Variants in ABCC1 observed in about 807,000 individuals in gnomAD.
The protein encoded by ABCC1 is ATP binding cassette subfamily C member 1 (ABCC1 blood group), also known as multidrug resistance-associated protein 1.
In ABCC1, 83 loss-of-function variants were observed where a neutral mutation model predicts 172.9. The observed-to-expected ratio is 0.48, with a 90% CI of 0.40 to 0.58. ABCC1 has a LOEUF of 0.58. Ranked by LOEUF, ABCC1 falls within the 20% of genes least tolerant of loss-of-function variation. The pLI, the probability that ABCC1 is intolerant of heterozygous loss-of-function variation, is 0.00. For synonymous variants in ABCC1, 937 were observed against 825.2 expected, an observed-to-expected ratio of 1.14 and a Z score of -2.32; for missense variants, 1,817 against 2,002.7, an observed-to-expected ratio of 0.91 and a Z score of 1.77.
intron 12 of ABCC1, among the ~76,000 whole-genome samples, chr16:16,066,711 CAACATGGCGA>C (rs1219197688): frequency 6.6e-6 from 1 of 150,802 alleles, no homozygotes; most frequent in African/African-American, 2.4e-5. Context: ...CCAGCCTGAC[CAACATGGCGA>C]AACCCCATCT....
At chr16:16,122,618 C>T (rs1310044855) in intron 24 of ABCC1, among the ~76,000 whole-genome samples, 4 of 151,554 alleles carry the variant, frequency 2.6e-5, no homozygotes, top group Non-Finnish European at 5.9e-5. Context: ...TCATGGCTCA[C>T]GCCTGTAATC....
intron 23 of ABCC1, among the ~76,000 whole-genome samples, chr16:16,117,246 G>T (rs900711298): frequency 6.6e-6 from 1 of 152,192 alleles, no homozygotes; most frequent in African/African-American, 2.4e-5. Flanking sequence ...AAGCAAACAT[G>T]TCCTTCTTCA....
At chr16:16,043,341 C>G (rs984584369) in intron 7 of ABCC1, among the ~76,000 whole-genome samples, 3 of 149,762 alleles carry the variant, frequency 2.0e-5, no homozygotes, top group African/African-American at 7.4e-5. Context: ...TCTTTTTGCC[C>G]AGGCTGGAGT....
chr16:16,035,760 G>T (rs549260063), intron 6 of ABCC1, among the ~76,000 whole-genome samples: 30 of 151,790 alleles, frequency 2.0e-4, no homozygotes, highest in Admixed American at 8.5e-4. Context: ...CTCCCAGAGC[G>T]CTAGGATTAT....
At position 16,073,058 on chromosome 16, in the gene ABCC1, T is replaced by A. The variant is rs1017323252; in HGVS notation, c.1912+1329T>A. Among the ~76,000 whole-genome samples, 115 of 133,492 alleles carry A rather than the reference T, an allele frequency of 8.6e-4. 4 individuals carry two copies. The highest frequency in any genetic ancestry group is 3.0e-4 in the Admixed American group (4 of 13,398). The allele number at this position is 133,492 out of a possible 152,430, so 87.6% of individuals were successfully genotyped here. A position where few individuals can be genotyped will look rare whatever the true frequency, so the allele number is the denominator to read the frequency against. On this transcript the variant is annotated intron_variant, in intron 14 of 30. Coordinates refer to ENST00000399410, the MANE Select transcript of ABCC1 (RefSeq NM_004996.4). ...TTCATCTCAAAAAAAAAAAAAAAAA[T>A]AATAATAATAAATATTAATGGCACT...
At chr16:16,074,215 C>G (rs993689787) in intron 14 of ABCC1, among the ~76,000 whole-genome samples, 1 of 152,150 alleles carries the variant, frequency 6.6e-6, no homozygotes, top group Non-Finnish European at 1.5e-5. Context: ...GTATCCATCC[C>G]AATTTTGGCA....
intron 1 of ABCC1, among the ~76,000 whole-genome samples, chr16:15,974,797 C>G (rs1442652464): frequency 6.6e-6 from 1 of 152,040 alleles, no homozygotes; most frequent in Non-Finnish European, 1.5e-5. Context: ...TTCTGTTTTT[C>G]TTTTTATGAT....
chr16:16,042,697 C>T (rs982011904), intron 7 of ABCC1, among the ~76,000 whole-genome samples: 2 of 127,016 alleles, frequency 1.6e-5, no homozygotes, highest in African/African-American at 7.0e-5. Flanking sequence ...AGCAAGACTC[C>T]ATCTCAAAAA....
At chr16:16,065,431 A>G (rs1228399272) in intron 12 of ABCC1, among the ~76,000 whole-genome samples, 2 of 151,526 alleles carry the variant, frequency 1.3e-5, no homozygotes, top group Non-Finnish European at 2.9e-5. Flanking sequence ...TGACTTATTT[A>G]TTAATATTAT....
chr16:16,119,909 G>A (rs1207136888), intron 23 of ABCC1, among the ~76,000 whole-genome samples: 1 of 152,182 alleles, frequency 6.6e-6, no homozygotes, highest in African/African-American at 2.4e-5. Flanking sequence ...GCCATGCAGA[G>A]GGGTCTGGAT....
At chr16:15,985,995 C>T (rs990568705) in intron 1 of ABCC1, among the ~76,000 whole-genome samples, 14 of 151,752 alleles carry the variant, frequency 9.2e-5, no homozygotes, top group Admixed American at 3.9e-4. Context: ...ATTTTTGAGA[C>T]GGAATCTCAG....
intron 1 of ABCC1, among the ~76,000 whole-genome samples, chr16:15,978,475 G>A (rs2046544357): frequency 1.3e-5 from 2 of 152,140 alleles, no homozygotes; most frequent in South Asian, 4.1e-4. Flanking sequence ...CTCTTTTCTG[G>A]ATATTTCTTG....
At position 16,142,514 on chromosome 16, in the gene ABCC1, CCAGGGGGGGCA is replaced by C. The variant is rs1170976021; in HGVS notation, c.*1234_*1244del. The C allele has an allele frequency of 2.6e-5, 4 of 152,258 alleles. No homozygotes were observed. Among genetic ancestry groups the C allele is most frequent in the African/African-American group, 9.6e-5 (4 of 41,542 alleles). 9.4% of individuals were successfully genotyped at this position (152,258 alleles called of 1,614,324 possible). A position where few individuals can be genotyped will look rare whatever the true frequency, so the allele number is the denominator to read the frequency against. On this transcript the variant is annotated 3_prime_UTR_variant, in exon 31 of 31. Transcript: ENST00000399410. ...TCTCCCTTGGCATCCGGTTAGCCCC[CCAGGGGGGGCA>C]GCATTGTGGAGAACTTGATATTTAG... is the stretch of plus-strand genomic sequence containing the variant.
intron 15 of ABCC1, among the ~76,000 whole-genome samples, chr16:16,077,422 T>G (rs1350420954): frequency 6.6e-6 from 1 of 152,232 alleles, no homozygotes; most frequent in East Asian, 1.9e-4. Flanking sequence ...AATCTGTATC[T>G]GTGTCCCTTT....
chr16:16,076,814 G>C (rs746242885), intron 15 of ABCC1, among the ~76,000 whole-genome samples: 1 of 152,172 alleles, frequency 6.6e-6, no homozygotes, highest in Non-Finnish European at 1.5e-5. Flanking sequence ...CCTTGTGATG[G>C]TAAATGGTCC....
chr16:16,001,235 GGAGTCTCGCTTTGT>G (rs1370432308), intron 1 of ABCC1, among the ~76,000 whole-genome samples: 12 of 152,002 alleles, frequency 7.9e-5, no homozygotes, highest in African/African-American at 2.4e-4. Flanking sequence ...GTTTTGAGAT[GGAGTCTCGCTTTGT>G]CGCCCAGGCT....
At chr16:16,076,112 G>T in intron 14 of ABCC1, 1 of 556,496 alleles carries the variant, frequency 1.8e-6, no homozygotes, top group Non-Finnish European at 3.1e-6. Flanking sequence ...GCTGCTTGCA[G>T]TTTCCTTCTG....
At chr16:16,123,176 T>C (rs1205287220) in intron 24 of ABCC1, among the ~76,000 whole-genome samples, 1 of 152,186 alleles carries the variant, frequency 6.6e-6, no homozygotes, top group Non-Finnish European at 1.5e-5. Context: ...AGGGAGTTTG[T>C]CACAATCTGG....
chr16:15,971,975 G>A (rs1049637899), intron 1 of ABCC1, among the ~76,000 whole-genome samples: 1 of 152,210 alleles, frequency 6.6e-6, no homozygotes, highest in East Asian at 1.9e-4. Flanking sequence ...GCTGAGAGAC[G>A]GAACCTCCAG....
Sources: gnomAD v4.1 joint callset for allele counts (sites outside exome capture counted in the v4.1 genomes callset) on GRCh38, gnomAD v4.1.1 for gene constraint, MANE v1.5 for transcripts, NCBI Gene and HGNC (gene_info 2026-07-23, HGNC 2026-07-21) for gene names.